KAZN: variants seen among roughly 807,000 people sequenced by gnomAD.
The protein encoded by KAZN is kazrin, periplakin interacting protein, also known as kazrin.
KAZN carries 40 observed loss-of-function variants against 87.4 expected under a neutral mutation model. The ratio of observed to expected loss-of-function variants is 0.46; its 90% CI spans 0.36 to 0.60. The LOEUF (loss-of-function observed/expected upper bound fraction) is 0.60. Among genes scored for constraint, KAZN ranks in the 20% least tolerant of loss-of-function variants. The pLI is 0.00. For synonymous variants in KAZN, 466 were observed against 458.3 expected (o/e 1.02, Z -0.22); for missense variants, 898 against 1,073.9 (o/e 0.84, Z 2.29).
At chr1:14,238,355 A>C (rs975308974) in intron 2 of KAZN, among the ~76,000 whole-genome samples, 1 of 152,186 alleles carries the variant, frequency 6.6e-6, no homozygotes, top group Non-Finnish European at 1.5e-5. Flanking sequence ...TGTGAGACCC[A>C]CTGTCTGGGT....
At chr1:14,999,396 G>A (rs959774562) in intron 2 of KAZN, among the ~76,000 whole-genome samples, 1 of 152,240 alleles carries the variant, frequency 6.6e-6, no homozygotes, top group Admixed American at 6.5e-5. Flanking sequence ...AGCCAGGAGA[G>A]CATGGGAGGC....
chr1:14,051,853 A>G (rs1431489571), intron 1 of KAZN, among the ~76,000 whole-genome samples: 1 of 152,162 alleles, frequency 6.6e-6, no homozygotes, highest in Non-Finnish European at 1.5e-5. Flanking sequence ...AAACCAACCA[A>G]CCAACCAAAC....
At chr1:14,036,371 G>C (rs1641559190) in intron 1 of KAZN, among the ~76,000 whole-genome samples, 1 of 152,154 alleles carries the variant, frequency 6.6e-6, no homozygotes. Flanking sequence ...CCTCAGTGAG[G>C]GGAATGTCTT....
At chr1:14,702,342 G>GTC (rs1641970649) in intron 1 of KAZN, among the ~76,000 whole-genome samples, 1 of 151,578 alleles carries the variant, frequency 6.6e-6, no homozygotes, top group Non-Finnish European at 1.5e-5. Context: ...GTGTGTGTGT[G>GTC]TGTGTGTGTG....
At chr1:15,014,486 C>G (rs868491706) in intron 2 of KAZN, among the ~76,000 whole-genome samples, 1 of 152,134 alleles carries the variant, frequency 6.6e-6, no homozygotes, top group African/African-American at 2.4e-5. Context: ...CAGACCCTCT[C>G]CAGACCTAGT....
chr1:14,998,328 T>C (rs558541398), intron 2 of KAZN, among the ~76,000 whole-genome samples: 1 of 152,116 alleles, frequency 6.6e-6, no homozygotes, highest in South Asian at 2.1e-4. Flanking sequence ...TCAACTCAAA[T>C]ATAGGTAAGG....
chr1:14,266,560 C>T (rs561338639), intron 2 of KAZN, among the ~76,000 whole-genome samples: 39 of 152,284 alleles, frequency 2.6e-4, no homozygotes, highest in Non-Finnish European at 3.1e-4. Context: ...GTGAGTTTTA[C>T]GCACACTTAA....
intron 2 of KAZN, among the ~76,000 whole-genome samples, chr1:14,969,284 C>T (rs1664773883): frequency 6.6e-6 from 1 of 152,266 alleles, no homozygotes; most frequent in African/African-American, 2.4e-5. Flanking sequence ...TCCCTTCCCA[C>T]ATCCGCACTC....
chr1:13,915,395 A>C (rs141894289), intron 1 of KAZN, among the ~76,000 whole-genome samples: 141 of 152,376 alleles, frequency 9.3e-4, no homozygotes, highest in Middle Eastern at 3.4e-3. Context: ...ATTTGTCTTT[A>C]TACCAACATA....
intron 2 of KAZN, among the ~76,000 whole-genome samples, chr1:14,530,340 C>T (rs533950329): frequency 5.2e-4 from 79 of 152,296 alleles, no homozygotes; most frequent in Non-Finnish European, 9.4e-4. Context: ...AGGTTTTATC[C>T]GTCTCTGCCA....
In KAZN at chr1:15,099,583, C is replaced by T. The variant is rs1485111850; in HGVS notation, c.1548-1960C>T. On this transcript the variant is annotated intron_variant, in intron 10 of 14. Coordinates refer to ENST00000376030, the MANE Select transcript of KAZN (RefSeq NM_201628.3). This position sits in a 1 kb window ranked among gnomAD's most constrained non-coding sequence, Gnocchi z 5.4. ...GAGCTCAGTGCCTCCAGGAAACGGCCCCCAGGACCCCAAGCCCCATGTGCG... is the reference window on the plus strand; with the variant it reads ...GAGCTCAGTGCCTCCAGGAAACGGCTCCCAGGACCCCAAGCCCCATGTGCG... 6.6e-6 allele frequency among the ~76,000 whole-genome samples: 1 copy of T among 152,060 alleles called. No individual in the cohort carries two copies. Among genetic ancestry groups the T allele is most frequent in the Non-Finnish European group, 1.5e-5 (1 of 68,014 alleles).
intron 2 of KAZN, among the ~76,000 whole-genome samples, chr1:14,992,789 G>A (rs547155886): frequency 9.2e-5 from 14 of 151,780 alleles, no homozygotes; most frequent in Admixed American, 6.6e-4. Context: ...GATTATAGGC[G>A]CCCACCAACA....
intron 2 of KAZN, among the ~76,000 whole-genome samples, chr1:14,977,206 C>T (rs950285551): frequency 1.3e-5 from 2 of 152,234 alleles, no homozygotes; most frequent in East Asian, 1.9e-4. Context: ...CAGGACCTGA[C>T]GGTGTCTGTC....
chr1:14,797,538 A>G (rs1645867270), intron 1 of KAZN, among the ~76,000 whole-genome samples: 1 of 152,234 alleles, frequency 6.6e-6, no homozygotes, highest in Non-Finnish European at 1.5e-5. Flanking sequence ...AGAGTTAAAG[A>G]GTTAAAAGGC....
chr1:14,788,123 G>C (rs1645564582), intron 1 of KAZN, among the ~76,000 whole-genome samples: 1 of 152,122 alleles, frequency 6.6e-6, no homozygotes, highest in African/African-American at 2.4e-5. Context: ...GCACACACAG[G>C]GCACTTCTAA....
intron 1 of KAZN, among the ~76,000 whole-genome samples, chr1:13,977,020 G>T (rs1638394171): frequency 6.6e-6 from 1 of 152,160 alleles, no homozygotes; most frequent in Admixed American, 6.5e-5. Flanking sequence ...GAGTTGAGCT[G>T]GGAACCCTCC....
intron 2 of KAZN, among the ~76,000 whole-genome samples, chr1:14,475,523 A>G (rs1668670073): frequency 1.3e-5 from 2 of 152,352 alleles, no homozygotes; most frequent in East Asian, 1.9e-4. Flanking sequence ...GCTAGTTTAC[A>G]CTGCTCAGAC....
chr1:14,944,341 C>T (rs751889225), intron 1 of KAZN, among the ~76,000 whole-genome samples: 1 of 152,098 alleles, frequency 6.6e-6, no homozygotes, highest in Non-Finnish European at 1.5e-5. Flanking sequence ...TTCTAATCAG[C>T]TGTGTTCATT....
At chr1:14,784,431 C>T (rs1645444115) in intron 1 of KAZN, among the ~76,000 whole-genome samples, 2 of 152,156 alleles carry the variant, frequency 1.3e-5, no homozygotes, top group South Asian at 4.1e-4. Context: ...TCCTCTCTCC[C>T]TGCATTAAGG....
Sources: gnomAD v4.1 joint callset for allele counts (sites outside exome capture counted in the v4.1 genomes callset) on GRCh38, gnomAD v4.1.1 for gene constraint, Gnocchi (gnomAD v3.1) non-coding constraint, MANE v1.5 for transcripts, NCBI Gene and HGNC (gene_info 2026-07-23, HGNC 2026-07-21) for gene names.